Variants in UBAP2 observed in about 807,000 individuals in gnomAD.
UBAP2 encodes the protein ubiquitin associated protein 2, also known as ubiquitin-associated protein 2.
A neutral mutation model predicts 139.6 loss-of-function variants in UBAP2; 75 were observed. That is an observed-to-expected ratio of 0.54 (90% CI 0.45 to 0.65). UBAP2 has a LOEUF of 0.65. Ranked by LOEUF, UBAP2 falls within the 30% of genes least tolerant of loss-of-function variation. UBAP2 has a pLI of 0.00. For synonymous variants in UBAP2, 526 were observed against 526.2 expected, an observed-to-expected ratio of 1.00 and a Z score of 0.01; for missense variants, 1,368 against 1,369.6, an observed-to-expected ratio of 1.00 and a Z score of 0.02.
intron 1 of UBAP2, among the ~76,000 whole-genome samples, chr9:34,040,159 CAAA>C (rs113799738): frequency 1.6e-5 from 2 of 123,288 alleles, no homozygotes; most frequent in Non-Finnish European, 3.5e-5. Flanking sequence ...GACTCCGTCT[CAAA>C]AAAAAAAAAA....
intron 13 of UBAP2, among the ~76,000 whole-genome samples, chr9:33,947,772 G>C (rs913809126): frequency 6.6e-6 from 1 of 151,470 alleles, no homozygotes; most frequent in African/African-American, 2.4e-5. Context: ...TGGCAGTGAC[G>C]CGTTACTGTG....
chr9:33,997,932 C>T (rs1407016758), intron 3 of UBAP2: 1 of 152,186 alleles, frequency 6.6e-6, no homozygotes, highest in African/African-American at 2.4e-5. Flanking sequence ...GTTGGAATAT[C>T]TGGCACTGAG....
intron 13 of UBAP2, among the ~76,000 whole-genome samples, chr9:33,945,863 A>G (rs1294014283): frequency 6.6e-6 from 1 of 152,236 alleles, no homozygotes; most frequent in Non-Finnish European, 1.5e-5. Context: ...ATCTTATGCT[A>G]TTAAAAGCAA....
At chr9:33,965,610 TGTATACA>T (rs1245702868) in intron 8 of UBAP2, among the ~76,000 whole-genome samples, 1 of 152,232 alleles carries the variant, frequency 6.6e-6, no homozygotes, top group Admixed American at 6.5e-5. Context: ...GGGTAATTTT[TGTATACA>T]GTATAATGTA....
intron 10 of UBAP2, among the ~76,000 whole-genome samples, chr9:33,958,694 A>T (rs893912997): frequency 7.3e-6 from 1 of 137,776 alleles, no homozygotes; most frequent in Non-Finnish European, 1.5e-5. Flanking sequence ...GGCATGAGCC[A>T]CTGTGCCCGG....
chr9:33,923,007 C>T lies in UBAP2; in HGVS notation c.3031G>A (p.Gly1011Ser), dbSNP rs972341671. 3 of 1,614,050 alleles carry T rather than the reference C, an allele frequency of 1.9e-6. No homozygotes were observed. The highest frequency in any genetic ancestry group is 2.5e-6 in the Non-Finnish European group (3 of 1,180,032). ...ACAGAACCAGTCATATCAGGTAGAC[C>T]AGTGGTGCTTGAAGACACTGATACT... is the stretch of plus-strand genomic sequence containing the variant. ...KGVSVSSSTT[G>S]LPDMTGSVYN... The change falls in exon 27 of 29, where the codon GGT becomes AGT. Residue 1011 changes from glycine (G) to serine (S), a missense_variant. Coordinates refer to ENST00000379238, the MANE Select transcript of UBAP2 (RefSeq NM_001370062.2).
At chr9:34,010,777 A>G (rs1823693565) in intron 2 of UBAP2, among the ~76,000 whole-genome samples, 1 of 152,138 alleles carries the variant, frequency 6.6e-6, no homozygotes, top group Non-Finnish European at 1.5e-5. Flanking sequence ...TTTTTTAAAA[A>G]GTAAAATTAT....
rs1825826719 is a variant in UBAP2 at position 33,948,449 on chromosome 9, T to C, written c.1195A>G (p.Thr399Ala). ...TTTPSTQQNS[T>A]SHPTTTTSWD... is the part of the protein sequence containing the mutation. The stretch of plus-strand genomic sequence containing the variant: ...GAAGTAGTAGTTGTAGGGTGACTTG[T>C]ACTATTCTGCTGTGTACTTGGGGTG... Residue 399 changes from threonine (T) to alanine (A), a missense_variant, in exon 13 of 29, where the codon ACA becomes GCA. Thr to Ala is a moderately conservative substitution (Grantham distance 58). Transcript: ENST00000379238. 1 of 1,614,184 alleles carries C rather than the reference T, an allele frequency of 6.2e-7. No homozygotes were observed. Among genetic ancestry groups the C allele is most frequent in the African/African-American group, 1.3e-5 (1 of 75,044 alleles).
intron 2 of UBAP2, among the ~76,000 whole-genome samples, chr9:34,016,437 A>AG (rs954118352): frequency 1.3e-5 from 2 of 150,884 alleles, no homozygotes; most frequent in African/African-American, 4.9e-5. Flanking sequence ...AATAGCTAAG[A>AG]GGTACCTGGA....
At chr9:34,040,323 CAAAAAAAAA>C (rs56317641) in intron 1 of UBAP2, among the ~76,000 whole-genome samples, 1 of 88,866 alleles carries the variant, frequency 1.1e-5, no homozygotes, top group Admixed American at 1.4e-4. Flanking sequence ...GACTCTGTCT[CAAAAAAAAA>C]AAAAAAAAAA....
chr9:34,021,556 C>A (rs1002619616), intron 1 of UBAP2, among the ~76,000 whole-genome samples: 1 of 151,852 alleles, frequency 6.6e-6, no homozygotes, highest in Non-Finnish European at 1.5e-5. Context: ...TAAATGCATA[C>A]GAACACACTG....
rs535480717 is a variant in UBAP2, at chr9:33,989,191, G to A, written c.289-65C>T. ...GTGTGTACAATTATCAAAGGCACAT[G>A]CATGTATCTTTCTTTTTTTTTTTTT... On this transcript the variant is annotated intron_variant, in intron 4 of 28. Transcript: ENST00000379238. 1,076 of 1,438,860 alleles carry A rather than the reference G, an allele frequency of 7.5e-4. 6 individuals are homozygous for A. Among genetic ancestry groups the A allele is most frequent in the Admixed American group, 1.8e-3 (65 of 36,738 alleles). The allele number at this position is 1,438,860 out of a possible 1,614,324, so 89.1% of individuals were successfully genotyped here.
intron 17 of UBAP2, chr9:33,933,988 C>G (rs1408905079): frequency 5.2e-6 from 1 of 190,724 alleles, no homozygotes; most frequent in Non-Finnish European, 1.1e-5. Flanking sequence ...AGAATTATAA[C>G]GTGAGGCAAA....
Position 33,932,603 on chromosome 9 carries a change from G to A in UBAP2, c.2134C>T (p.Leu712Phe). 6.2e-7 allele frequency: 1 copy of A among 1,614,072 alleles called. No individual in the cohort carries two copies. The highest frequency in any genetic ancestry group is 8.5e-7 in the Non-Finnish European group (1 of 1,180,028). ...SSSLSSHQSS[L>F]SAHAALSSST... ...GAGGAGAGGGCTGCATGTGCAGAGA[G>A]GCTGCTCTGGTGGCTGGAGAGCGAA... is the stretch of plus-strand genomic sequence containing the variant. Residue 712 changes from leucine to phenylalanine, a missense_variant, in exon 19 of 29, where the codon CTC (leucine) becomes TTC (phenylalanine). Transcript: ENST00000379238.
rs1182529080 is a variant in UBAP2 at position 33,941,571 on chromosome 9, A to G, written c.1929+78T>C. 2.4e-6 allele frequency: 3 copies of G among 1,234,342 alleles called. No individual in the cohort carries two copies. The Admixed American group carries it at 5.7e-5, about 24-fold the overall frequency. The allele number at this position is 1,234,342 out of a possible 1,614,324, so 76.5% of individuals were successfully genotyped here. A position where few individuals can be genotyped will look rare whatever the true frequency, so the allele number is the denominator to read the frequency against. On this transcript the variant is annotated intron_variant, in intron 16 of 28. Transcript: ENST00000379238. Reference sequence around the variant, plus strand: ...CAATTTGTAAAATAAAATCATATCCAAGAAGCATAATTTAACCAAACATTA... The same window carrying G: ...CAATTTGTAAAATAAAATCATATCCGAGAAGCATAATTTAACCAAACATTA...
In UBAP2 at chr9:33,923,783, T is replaced by C. The variant is rs1378427078; in HGVS notation, c.2796+12A>G. The C allele has an allele frequency of 6.2e-7, 1 of 1,613,696 alleles. No individual in the cohort carries two copies. Among genetic ancestry groups the C allele is most frequent in the Non-Finnish European group, 8.5e-7 (1 of 1,179,664 alleles). On this transcript the variant is annotated intron_variant, in intron 24 of 28. Coordinates refer to ENST00000379238, the MANE Select transcript of UBAP2 (RefSeq NM_001370062.2). Reference sequence around the variant, plus strand: ...GGCCAGGAGACACAGTCACACCCTCTGAAATACTCACAAACATGGTGGGGC... The same window carrying C: ...GGCCAGGAGACACAGTCACACCCTCCGAAATACTCACAAACATGGTGGGGC...
At chr9:33,935,668 AT>A (rs1379080542) in intron 17 of UBAP2, 170 bp downstream of exon 17, 1 of 720,072 alleles carries the variant, frequency 1.4e-6, no homozygotes, top group African/African-American at 1.8e-5. Context: ...TGGTTAAGAC[AT>A]TTCTAATAAC....
chr9:33,960,649 G>A (rs570274301), intron 10 of UBAP2, among the ~76,000 whole-genome samples, 177 bp downstream of exon 10: 5 of 151,966 alleles, frequency 3.3e-5, no homozygotes, highest in African/African-American at 1.2e-4. Flanking sequence ...GCATGGTGGC[G>A]CACATCTGTA....
At chr9:33,935,955 C>A (rs975667636) in intron 16 of UBAP2, 77 bp from the exon 17 acceptor site, 10 of 1,293,148 alleles carry the variant, frequency 7.7e-6, no homozygotes, top group Non-Finnish European at 4.4e-6. Flanking sequence ...ATACTTTCTA[C>A]AACATGTAGC....
Sources: gnomAD v4.1 joint callset for allele counts (sites outside exome capture counted in the v4.1 genomes callset) on GRCh38, gnomAD v4.1.1 for gene constraint, MANE v1.5 for transcripts, NCBI Gene and HGNC (gene_info 2026-07-23, HGNC 2026-07-21) for gene names.